The following CTNNA2 variants were observed in gnomAD, a reference collection of about 807,000 sequenced individuals.
CTNNA2 encodes catenin alpha 2, also known as catenin alpha-2.
A neutral mutation model predicts 101.0 loss-of-function variants in CTNNA2; 42 were observed. The observed-to-expected ratio is 0.42, with a 90% CI of 0.32 to 0.54. The LOEUF (loss-of-function observed/expected upper bound fraction) is 0.54. CTNNA2 is among the 20% of genes least tolerant of loss of function. The probability of loss-of-function intolerance (pLI) is 0.14; values close to 1 mark genes in which losing one functional copy is unlikely to be tolerated. For synonymous variants in CTNNA2, 450 were observed against 456.4 expected (o/e 0.99, Z 0.18); for missense variants, 871 against 1,223.1 (o/e 0.71, Z 4.29).
intron 1 of CTNNA2, among the ~76,000 whole-genome samples, chr2:79,651,180 C>G (rs985784476): frequency 6.6e-6 from 1 of 152,096 alleles, no homozygotes; most frequent in African/African-American, 2.4e-5. Context: ...CCTAATTGTT[C>G]CCATATTTGG....
At chr2:79,224,628 T>G (rs959381091) in intron 2 of CTNNA2, among the ~76,000 whole-genome samples, 8 of 152,006 alleles carry the variant, frequency 5.3e-5, no homozygotes, top group Admixed American at 4.6e-4. Context: ...CATGCATGGT[T>G]TGGATATCAT....
chr2:80,266,319 C>T (rs534367296), intron 7 of CTNNA2, among the ~76,000 whole-genome samples: 6 of 152,330 alleles, frequency 3.9e-5, no homozygotes, highest in African/African-American at 1.2e-4. Flanking sequence ...ACAGAGAGAG[C>T]TCATGGCCAA....
chr2:80,547,462 T>A (rs1214715206), intron 11 of CTNNA2, among the ~76,000 whole-genome samples: 1 of 152,182 alleles, frequency 6.6e-6, no homozygotes, highest in Non-Finnish European at 1.5e-5. Flanking sequence ...TAATTCTCAA[T>A]ATGTCAAGAT....
rs917093070 is a variant in CTNNA2 at position 80,085,386 on chromosome 2, G to A, written c.1056+175589G>A. Among the ~76,000 whole-genome samples, 5 of 152,058 alleles carry A rather than the reference G, an allele frequency of 3.3e-5. No homozygotes were observed. The East Asian group carries it at 7.7e-4, about 24-fold the overall frequency. ...CCAAAGCAGGTCACATTGCCATGCC[G>A]AAGTTAAAAGGGCACAAGGACATCA... On this transcript the variant is annotated intron_variant, in intron 7 of 18. Transcript: ENST00000402739.
At chr2:80,609,913 C>T (rs557828799) in intron 17 of CTNNA2, among the ~76,000 whole-genome samples, 1 of 151,668 alleles carries the variant, frequency 6.6e-6, no homozygotes, top group African/African-American at 2.4e-5. Context: ...TTGTCTTTTT[C>T]TCATTTAGAT....
At chr2:80,327,098 C>T (rs1670882519) in intron 7 of CTNNA2, among the ~76,000 whole-genome samples, 1 of 152,170 alleles carries the variant, frequency 6.6e-6, no homozygotes. Context: ...TACAGGATTG[C>T]AGAAGTTCAA....
intron 2 of CTNNA2, among the ~76,000 whole-genome samples, chr2:79,258,505 G>C (rs1391225472): frequency 1.3e-5 from 2 of 152,128 alleles, no homozygotes; most frequent in Non-Finnish European, 2.9e-5. Context: ...GCTTCTATCT[G>C]TATGTCCTTC....
intron 2 of CTNNA2, among the ~76,000 whole-genome samples, chr2:79,725,330 C>A (rs547244572): frequency 1.3e-5 from 2 of 152,290 alleles, no homozygotes; most frequent in East Asian, 3.9e-4. Context: ...TGACTTTAAG[C>A]AAGAATTCAT....
At chr2:79,665,486 T>G (rs966002603) in intron 2 of CTNNA2, among the ~76,000 whole-genome samples, 4 of 152,224 alleles carry the variant, frequency 2.6e-5, no homozygotes, top group Non-Finnish European at 5.9e-5. Context: ...AAGAATGATT[T>G]CTTTGCTGAC....
At chr2:79,753,641 T>C (rs996655866) in intron 3 of CTNNA2, among the ~76,000 whole-genome samples, 40 of 152,106 alleles carry the variant, frequency 2.6e-4, no homozygotes, top group African/African-American at 9.4e-4. Context: ...AGCGTGTAGA[T>C]GAGATGTACA....
chr2:79,344,863 A>G (rs1558637440), intron 3 of CTNNA2, among the ~76,000 whole-genome samples: 1 of 144,930 alleles, frequency 6.9e-6, no homozygotes, highest in African/African-American at 2.5e-5. Flanking sequence ...TATATAATAT[A>G]TTATATTTAT....
At chr2:80,117,448 C>CTATGTGAG (rs1458324706) in intron 7 of CTNNA2, among the ~76,000 whole-genome samples, 4 of 44,750 alleles carry the variant, frequency 8.9e-5, no homozygotes, top group Admixed American at 5.4e-4. Flanking sequence ...TAGATGGTTC[C>CTATGTGAG]TGTGTGAGTG....
In CTNNA2 at chr2:80,137,865, G is replaced by A. The variant is rs145213727; in HGVS notation, c.1056+228068G>A. On this transcript the variant is annotated intron_variant, in intron 7 of 18. Coordinates refer to ENST00000402739, the MANE Select transcript of CTNNA2 (RefSeq NM_001282597.3). ...AACAACAAAGTATTGTGAATAGAGTGTCTTGGGCTGCAGTTTCTCAAACTG... is the reference window on the plus strand; with the variant it reads ...AACAACAAAGTATTGTGAATAGAGTATCTTGGGCTGCAGTTTCTCAAACTG... 5.3e-3 allele frequency among the ~76,000 whole-genome samples: 801 copies of A among 152,124 alleles called. 9 individuals are homozygous for A. Among genetic ancestry groups the A allele is most frequent in the Non-Finnish European group, 7.9e-3 (540 of 67,990 alleles).
At chr2:80,265,807 G>A (rs1365985982) in intron 7 of CTNNA2, among the ~76,000 whole-genome samples, 3 of 152,092 alleles carry the variant, frequency 2.0e-5, no homozygotes, top group Admixed American at 6.5e-5. Context: ...GAAGTGTCTG[G>A]GATAGTGTTT....
chr2:80,444,861 C>A (rs573634057), intron 9 of CTNNA2, among the ~76,000 whole-genome samples: 57 of 152,308 alleles, frequency 3.7e-4, no homozygotes, highest in African/African-American at 1.3e-3. Flanking sequence ...GTTTAAGCCA[C>A]CCAGACTGTA....
exon 3 of CTNNA2, chr2:79,312,712 A>G (rs1430536172): frequency 1.3e-5 from 2 of 152,228 alleles, no homozygotes; most frequent in Non-Finnish European, 2.9e-5. Flanking sequence ...TTCACAGAAC[A>G]AAATATACAG....
At chr2:79,818,821 TTATATATATATA>T (rs372924495) in intron 3 of CTNNA2, among the ~76,000 whole-genome samples, 1 of 74,280 alleles carries the variant, frequency 1.3e-5, no homozygotes, top group African/African-American at 7.4e-5. Context: ...CAAAATGCAA[TTATATATATATA>T]TATATATATA....
rs188795129 is a variant in CTNNA2 at position 80,027,805 on chromosome 2, A to C, written c.1056+118008A>C. On this transcript the variant is annotated intron_variant, in intron 7 of 18. Coordinates refer to ENST00000402739, the MANE Select transcript of CTNNA2 (RefSeq NM_001282597.3). The stretch of plus-strand genomic sequence containing the variant: ...CAACACAGCAAGACCCTGTTTCTAC[A>C]AAAAAATAAAATTAAAAATTAGGTA... 4.6e-3 allele frequency among the ~76,000 whole-genome samples: 691 copies of C among 151,836 alleles called. 8 individuals carry two copies. Among genetic ancestry groups the C allele is most frequent in the African/African-American group, 0.016 (654 of 41,418 alleles).
At chr2:79,448,896 CAG>C (rs751726555) in intron 4 of CTNNA2, among the ~76,000 whole-genome samples, 22 of 152,078 alleles carry the variant, frequency 1.4e-4, no homozygotes, top group Middle Eastern at 3.4e-3. Context: ...ATGGATCCAT[CAG>C]AGTTTATGTG....
Sources: gnomAD v4.1 joint callset for allele counts (sites outside exome capture counted in the v4.1 genomes callset) on GRCh38, gnomAD v4.1.1 for gene constraint, MANE v1.5 for transcripts, NCBI Gene and HGNC (gene_info 2026-07-23, HGNC 2026-07-21) for gene names.